The following CNTN4 variants were observed in gnomAD, a reference collection of about 807,000 sequenced individuals.
CNTN4 encodes contactin 4.
CNTN4 carries 77 observed loss-of-function variants against 122.5 expected under a neutral mutation model. The ratio of observed to expected loss-of-function variants is 0.63; its 90% CI spans 0.52 to 0.76. The LOEUF is 0.76. Ranked by LOEUF, CNTN4 falls within the 30% of genes least tolerant of loss-of-function variation. CNTN4 has a pLI of 0.00. For missense variants in CNTN4, 1,256 were observed against 1,259.1 expected (o/e 1.00, Z 0.04); for synonymous variants, 512 against 447.0 (o/e 1.15, Z -1.83).
chr3:2,732,109 C>G (rs1422804927), intron 4 of CNTN4, among the ~76,000 whole-genome samples: 1 of 152,150 alleles, frequency 6.6e-6, no homozygotes, highest in Non-Finnish European at 1.5e-5. Flanking sequence ...TCTTATCAAG[C>G]AAAGATTTGT....
At position 2,385,116 on chromosome 3, in the gene CNTN4, G is replaced by C. The variant is rs1210515728; in HGVS notation, c.-89+45883G>C. ...TACATTGCTGATATCAGAGTGACCTGTTAAAAGTATAAACATATCATTTTC... is the reference window on the plus strand; with the variant it reads ...TACATTGCTGATATCAGAGTGACCTCTTAAAAGTATAAACATATCATTTTC... On this transcript the variant is annotated intron_variant, in intron 3 of 24. Transcript: ENST00000418658. This position sits in a 1 kb window ranked among gnomAD's most constrained non-coding sequence, Gnocchi z 4.0. Among the ~76,000 whole-genome samples, 2 of 151,998 alleles carry C rather than the reference G, an allele frequency of 1.3e-5. No individual in the cohort carries two copies. The highest frequency in any genetic ancestry group is 2.9e-5 in the Non-Finnish European group (2 of 68,010).
chr3:2,967,744 G>A (rs1205429485), intron 13 of CNTN4, among the ~76,000 whole-genome samples: 1 of 151,916 alleles, frequency 6.6e-6, no homozygotes, highest in Non-Finnish European at 1.5e-5. Context: ...AGTTAGTGGT[G>A]AATTCAGTAG....
chr3:2,138,957 G>T (rs1249605240), intron 2 of CNTN4, among the ~76,000 whole-genome samples: 5 of 152,148 alleles, frequency 3.3e-5, no homozygotes, highest in African/African-American at 9.7e-5. Context: ...CCAAAGCAAA[G>T]ACAGTTTGTA....
chr3:2,144,811 T>A (rs1040701980), intron 2 of CNTN4, among the ~76,000 whole-genome samples: 5 of 152,206 alleles, frequency 3.3e-5, no homozygotes, highest in African/African-American at 1.2e-4. Flanking sequence ...GCTCTAAGCT[T>A]CTTAAGAGAA....
chr3:2,558,707 G>A (rs1323718613), intron 3 of CNTN4, among the ~76,000 whole-genome samples: 15 of 152,074 alleles, frequency 9.9e-5, no homozygotes, highest in Admixed American at 9.8e-4. Flanking sequence ...TCCTAAATAT[G>A]ATATACTCAC....
intron 3 of CNTN4, among the ~76,000 whole-genome samples, chr3:2,560,130 A>T (rs145978023): frequency 6.7e-6 from 1 of 148,624 alleles, no homozygotes; most frequent in East Asian, 2.1e-4. Flanking sequence ...TATTATTATT[A>T]TTCTTTTTCT....
At chr3:2,963,564 C>T (rs1405957815) in intron 13 of CNTN4, among the ~76,000 whole-genome samples, 1 of 152,124 alleles carries the variant, frequency 6.6e-6, no homozygotes, top group Admixed American at 6.5e-5. Context: ...CTCTCTCATT[C>T]CCCATTCTTT....
chr3:2,948,200 G>T (rs926492129), intron 13 of CNTN4, among the ~76,000 whole-genome samples: 1 of 152,180 alleles, frequency 6.6e-6, no homozygotes, highest in Non-Finnish European at 1.5e-5. Context: ...CTCTAGGAAG[G>T]TTTGTTCTCT....
chr3:2,878,926 C>A (rs979193089), intron 8 of CNTN4, among the ~76,000 whole-genome samples: 8 of 151,992 alleles, frequency 5.3e-5, no homozygotes, highest in Admixed American at 3.9e-4. Flanking sequence ...TATGCCCACA[C>A]AAAGACTTGC....
chr3:2,947,448 G>T (rs2094690887), intron 13 of CNTN4, among the ~76,000 whole-genome samples: 1 of 152,162 alleles, frequency 6.6e-6, no homozygotes, highest in African/African-American at 2.4e-5. Flanking sequence ...CATTCAGAAG[G>T]AGAAGAAGGT....
chr3:2,298,497 G>A (rs2150051255), intron 2 of CNTN4, among the ~76,000 whole-genome samples: 1 of 152,020 alleles, frequency 6.6e-6, no homozygotes, highest in East Asian at 1.9e-4. Context: ...AATGGAATTT[G>A]AAAATTTCTT....
chr3:2,165,018 A>G (rs2320375), intron 2 of CNTN4, among the ~76,000 whole-genome samples: 49,097 of 151,956 alleles, frequency 0.32, 8,724 homozygotes, highest in Admixed American at 0.43. Context: ...CCCTGGGCAG[A>G]TTGCATTAAT....
At chr3:2,145,571 A>G (rs2035205484) in intron 2 of CNTN4, among the ~76,000 whole-genome samples, 1 of 152,240 alleles carries the variant, frequency 6.6e-6, no homozygotes, top group African/African-American at 2.4e-5. Context: ...AGATTGGGAA[A>G]AATCAGGAAT....
chr3:2,617,183 C>T (rs1576233763), intron 4 of CNTN4, among the ~76,000 whole-genome samples: 1 of 152,062 alleles, frequency 6.6e-6, no homozygotes, highest in South Asian at 2.1e-4. Flanking sequence ...GCAAAATAAA[C>T]TATCATCAGA....
At chr3:2,241,778 G>T (rs895232614) in intron 2 of CNTN4, among the ~76,000 whole-genome samples, 1 of 152,110 alleles carries the variant, frequency 6.6e-6, no homozygotes, top group Non-Finnish European at 1.5e-5. Flanking sequence ...ATCCAGGCTT[G>T]TTCAGTTGAA....
At chr3:2,977,716 C>T (rs897153104) in intron 13 of CNTN4, among the ~76,000 whole-genome samples, 1 of 152,176 alleles carries the variant, frequency 6.6e-6, no homozygotes, top group African/African-American at 2.4e-5. Context: ...GGGGGGTTTC[C>T]TCTCTTGATA....
Position 2,429,053 on chromosome 3 carries a change from C to T in CNTN4, c.-89+89820C>T, listed in dbSNP as rs1286067097. On this transcript the variant is annotated intron_variant, in intron 3 of 24. Coordinates refer to ENST00000418658, the MANE Select transcript of CNTN4 (RefSeq NM_175607.3). ...TTTGCTCAGAGAGGTTTGTTATTACCGATCGTCTGAAGCCTTCTTCTCTCA... is the reference window on the plus strand; with the variant it reads ...TTTGCTCAGAGAGGTTTGTTATTACTGATCGTCTGAAGCCTTCTTCTCTCA... 3.3e-5 allele frequency among the ~76,000 whole-genome samples: 5 copies of T among 151,732 alleles called. No individual in the cohort carries two copies. In the East Asian group the frequency reaches 7.7e-4, roughly 24 times the overall value.
At chr3:3,040,642 A>G (rs186031517) in intron 20 of CNTN4, among the ~76,000 whole-genome samples, 1 of 152,366 alleles carries the variant, frequency 6.6e-6, no homozygotes, top group East Asian at 1.9e-4. Context: ...ATTTTCATAA[A>G]GCATATGGTA....
chr3:2,606,680 T>C (rs2081274257), intron 4 of CNTN4, among the ~76,000 whole-genome samples: 1 of 152,190 alleles, frequency 6.6e-6, no homozygotes, highest in African/African-American at 2.4e-5. Context: ...TCCATGCTCC[T>C]ACCCCTGCTT....
Sources: allele counts gnomAD v4.1 joint callset (sites outside exome capture counted in the v4.1 genomes callset), GRCh38; gene constraint gnomAD v4.1.1; non-coding constraint Gnocchi (gnomAD v3.1); transcripts MANE v1.5; gene names NCBI Gene and HGNC (gene_info 2026-07-23, HGNC 2026-07-21).